The following ATM variants were observed in gnomAD, a reference collection of about 807,000 sequenced individuals.
ATM encodes the protein serine-protein kinase ATM.
ATM carries 308 observed loss-of-function variants against 387.0 expected under a neutral mutation model. The ratio of observed to expected loss-of-function variants is 0.80; its 90% CI spans 0.73 to 0.87. ATM has a LOEUF of 0.87. ATM is among the 40% of genes least tolerant of loss of function. The pLI, the probability that ATM is intolerant of heterozygous loss-of-function variation, is 0.00. For missense variants in ATM, 3,312 were observed against 3,560.9 expected, an observed-to-expected ratio of 0.93 and a Z score of 1.78; for synonymous variants, 1,156 against 1,187.3, an observed-to-expected ratio of 0.97 and a Z score of 0.54.
In ATM at chr11:108,268,033, T is replaced by G. The variant is rs965286385; in HGVS notation, c.2639-377T>G. 2.0e-5 allele frequency among the ~76,000 whole-genome samples: 3 copies of G among 152,212 alleles called. No individual in the cohort carries two copies. Among genetic ancestry groups the G allele is most frequent in the Non-Finnish European group, 4.4e-5 (3 of 68,038 alleles). Reference sequence around the variant, plus strand: ...ATGAATGCCTGTTTAATTATAAGTATTTTTCCAGGTAGTTGCTTTTCTTGA... The same window carrying G: ...ATGAATGCCTGTTTAATTATAAGTAGTTTTCCAGGTAGTTGCTTTTCTTGA... On this transcript the variant is annotated intron_variant, in intron 17 of 62. Coordinates refer to ENST00000675843, the MANE Select transcript of ATM (RefSeq NM_000051.4).
At position 108,317,635 on chromosome 11, in the gene ATM, A is replaced by G; in HGVS notation, c.6347+114A>G. On this transcript the variant is annotated intron_variant, in intron 43 of 62. Transcript: ENST00000675843. ...TTGTTTTATATATATATATATATAT[A>G]TATATATATATATATATACACACAC... The G allele has an allele frequency of 1.1e-5, 2 of 175,936 alleles. 1 individual carries two copies. The highest frequency in any genetic ancestry group is 7.0e-5 in the African/African-American group (2 of 28,432). 10.9% of individuals were successfully genotyped at this position (175,936 alleles called of 1,614,324 possible). A position where few individuals can be genotyped will look rare whatever the true frequency, so the allele number is the denominator to read the frequency against.
intron 22 of ATM, among the ~76,000 whole-genome samples, chr11:108,277,921 A>G (rs931110450): frequency 1.3e-5 from 2 of 152,194 alleles, no homozygotes; most frequent in African/African-American, 2.4e-5. Flanking sequence ...CCACTAGTAT[A>G]TATGTTCCTA....
chr11:108,287,681 G>A lies in ATM; in HGVS notation c.4075G>A (p.Ala1359Thr), dbSNP rs1591656042. 1 of 1,613,696 alleles carries A rather than the reference G, an allele frequency of 6.2e-7. No homozygotes were observed. Among genetic ancestry groups the A allele is most frequent in the Non-Finnish European group, 8.5e-7 (1 of 1,179,828 alleles). Residue 1359 changes from alanine to threonine, a missense_variant, in exon 27 of 63, where the codon GCC becomes ACC. This residue lies in a region of ATM where 1,791 missense variants were observed against 1,804.5 expected (regional missense o/e 0.99). Coordinates refer to ENST00000675843, the MANE Select transcript of ATM (RefSeq NM_000051.4). ...GTTACATGAGCCAGCAAATTCTAGT[G>A]CCAGTCAGAGCACTGACCTCTGTGA... The part of the protein sequence containing the change: ...MTLHEPANSS[A>T]SQSTDLCDFS...
At chr11:108,288,841 A>G in intron 27 of ATM, 136 bp from the exon 28 acceptor site, 2 of 956,988 alleles carry the variant, frequency 2.1e-6, no homozygotes, top group Non-Finnish European at 3.2e-6. Context: ...TTTTATTGAA[A>G]GTATAGTTTT....
intron 16 of ATM, among the ~76,000 whole-genome samples, chr11:108,262,431 G>T (rs1035112889): frequency 6.6e-6 from 1 of 152,304 alleles, no homozygotes; most frequent in East Asian, 1.9e-4. Flanking sequence ...ACAAGCAAAT[G>T]CTGAGAGATT....
At position 108,368,374 on chromosome 11, in the gene ATM, T is replaced by C. The variant is rs191399133; in HGVS notation, c.*2866T>C. On this transcript the variant is annotated 3_prime_UTR_variant, in exon 63 of 63. Coordinates refer to ENST00000675843, the MANE Select transcript of ATM (RefSeq NM_000051.4). ...AAAACTGCCAAGGACAAATGAGGAG[T>C]AGTTAGATTTTGAAAATATTAATCA... The C allele has an allele frequency of 1.1e-3, 220 of 208,660 alleles. No homozygotes were observed. Among genetic ancestry groups the C allele is most frequent in the African/African-American group, 4.7e-3 (203 of 42,964 alleles). The allele number at this position is 208,660 out of a possible 1,614,324, so 12.9% of individuals were successfully genotyped here.
chr11:108,366,535 C>T lies in ATM; in HGVS notation c.*1027C>T, dbSNP rs2091341184. On this transcript the variant is annotated 3_prime_UTR_variant, in exon 63 of 63. Coordinates refer to ENST00000675843, the MANE Select transcript of ATM (RefSeq NM_000051.4). ...TGATAGGCTGTTCATCCAGTTTTGT[C>T]TTTTTGAAAAGTGAGTTTATTTTCA... 1.3e-5 allele frequency: 3 copies of T among 228,586 alleles called. No individual in the cohort carries two copies. The allele number at this position is 228,586 out of a possible 1,614,324, so 14.2% of individuals were successfully genotyped here. A position where few individuals can be genotyped will look rare whatever the true frequency, so the allele number is the denominator to read the frequency against.
At chr11:108,334,336 A>G (rs2086598110) in intron 54 of ATM, among the ~76,000 whole-genome samples, 1 of 152,172 alleles carries the variant, frequency 6.6e-6, no homozygotes, top group South Asian at 2.1e-4. Context: ...GTGCAGTAAA[A>G]TGTATTGGCT....
intron 43 of ATM, 131 bp downstream of exon 43, chr11:108,317,652 T>TATACACAC (rs1399501257): frequency 9.3e-5 from 11 of 118,380 alleles, no homozygotes; most frequent in African/African-American, 4.5e-4. Context: ...TATATATATA[T>TATACACAC]ACACACACAC....
chr11:108,240,717 C>A (rs765981322), intron 5 of ATM, among the ~76,000 whole-genome samples: 1 of 152,008 alleles, frequency 6.6e-6, no homozygotes, highest in Non-Finnish European at 1.5e-5. Context: ...ATGAATGGAG[C>A]TTGCAGGACT....
chr11:108,245,105 T>C, intron 7 of ATM, 79 bp downstream of exon 7: 1 of 1,136,164 alleles, frequency 8.8e-7, no homozygotes, highest in Non-Finnish European at 1.3e-6. Context: ...TAGTGTTCTT[T>C]AGGAGGATAT....
At chr11:108,340,165 A>C (rs1474284010) in intron 56 of ATM, 1 of 152,120 alleles carries the variant, frequency 6.6e-6, no homozygotes, top group Non-Finnish European at 1.5e-5. Flanking sequence ...TTTTCTTTTT[A>C]CTTTTATTAT....
At chr11:108,291,814 G>A (rs1412627683) in intron 29 of ATM, among the ~76,000 whole-genome samples, 1 of 152,198 alleles carries the variant, frequency 6.6e-6, no homozygotes, top group African/African-American at 2.4e-5. Context: ...CTTGGGATCA[G>A]CCCCAAATAC....
Position 108,366,479 on chromosome 11 carries a change from CCTG to C in ATM, c.*975_*977del. On this transcript the variant is annotated 3_prime_UTR_variant, in exon 63 of 63. Coordinates refer to ENST00000675843, the MANE Select transcript of ATM (RefSeq NM_000051.4). ...TGTAATAGTTCTATTAAATTTAGTT[CCTG>C]CTGTTTATATCTGTTGATTTTTGTA... The C allele has an allele frequency of 4.5e-6, 1 of 224,058 alleles. No individual in the cohort carries two copies. Among genetic ancestry groups the C allele is most frequent in the Admixed American group, 5.7e-5 (1 of 17,442 alleles). The allele number at this position is 224,058 out of a possible 1,614,324, so 13.9% of individuals were successfully genotyped here. A position where few individuals can be genotyped will look rare whatever the true frequency, so the allele number is the denominator to read the frequency against.
chr11:108,308,689 T>G (rs2083882547), intron 38 of ATM: 2 of 289,140 alleles, frequency 6.9e-6, no homozygotes, highest in South Asian at 9.1e-5. Flanking sequence ...GGGTGGTTGG[T>G]AAAGAATGAG....
intron 37 of ATM, among the ~76,000 whole-genome samples, chr11:108,306,886 C>T (rs1170981606): frequency 6.6e-6 from 1 of 152,184 alleles, no homozygotes; most frequent in African/African-American, 2.4e-5. Context: ...AGAAACCTCT[C>T]TCACGTATTT....
rs986739888 is a variant in ATM, at chr11:108,269,363, C to T, written c.2838+754C>T. On this transcript the variant is annotated intron_variant, in intron 18 of 62. Coordinates refer to ENST00000675843, the MANE Select transcript of ATM (RefSeq NM_000051.4). ...ATGTTTCCTTATGATTAAATTTATA[C>T]TTTGACGAGAATGTTGCAAAAGTAA... Among the ~76,000 whole-genome samples the T allele has an allele frequency of 2.0e-5, 3 of 152,104 alleles. 1 individual carries two copies. In the South Asian group the frequency reaches 6.2e-4, roughly 31 times the overall value.
chr11:108,297,763 T>C (rs55798341), intron 33 of ATM, among the ~76,000 whole-genome samples: 17 of 152,300 alleles, frequency 1.1e-4, no homozygotes, highest in African/African-American at 4.1e-4. Flanking sequence ...TGGGGAAATA[T>C]GAGATGCTAG....
rs200786429 is a variant in ATM at position 108,272,627 on chromosome 11, T to C, written c.3153+20T>C. 113 of 1,612,976 alleles carry C rather than the reference T, an allele frequency of 7.0e-5. No homozygotes were observed. Among genetic ancestry groups the C allele is most frequent in the Admixed American group, 1.7e-5 (1 of 60,002 alleles). ...CTTGAGGTGAGTTTTTGCATTTTTTTAGTAAGATCTCCATTGAAAATTTTA... is the reference window on the plus strand; with the variant it reads ...CTTGAGGTGAGTTTTTGCATTTTTTCAGTAAGATCTCCATTGAAAATTTTA... On this transcript the variant is annotated intron_variant, in intron 21 of 62. Coordinates refer to ENST00000675843, the MANE Select transcript of ATM (RefSeq NM_000051.4).
Sources: allele counts gnomAD v4.1 joint callset (sites outside exome capture counted in the v4.1 genomes callset), GRCh38; gene constraint gnomAD v4.1.1; regional missense constraint gnomAD v4.1.1; transcripts MANE v1.5; gene names NCBI Gene and HGNC (gene_info 2026-07-23, HGNC 2026-07-21).